POU3F3: variants seen among roughly 807,000 people sequenced by gnomAD.
POU3F3 encodes POU domain, class 3, transcription factor 3.
Under a neutral mutation model 8.6 loss-of-function variants are expected in POU3F3, and 1 was observed. That is an observed-to-expected ratio of 0.12 (90% confidence interval 0.04 to 0.55). The LOEUF (loss-of-function observed/expected upper bound fraction) is 0.55, where lower values mean the gene tolerates loss of function less well. POU3F3 is among the 20% of genes least tolerant of loss of function. The probability of loss-of-function intolerance (pLI) is 0.91; values close to 1 mark genes in which losing one functional copy is unlikely to be tolerated. For synonymous variants in POU3F3, 418 were observed against 327.4 expected (o/e 1.28, Z -2.99); for missense variants, 577 against 690.7 (o/e 0.84, Z 1.84).
At chr2:104,898,332 C>T in the POU3F3 span, among the ~76,000 whole-genome samples, 1 of 152,118 alleles carries the variant, frequency 6.6e-6, no homozygotes. Flanking sequence ...TTTGTCATAG[C>T]GGCCTGAACT....
At chr2:104,910,741 T>C in the POU3F3 span, among the ~76,000 whole-genome samples, 2 of 152,180 alleles carry the variant, frequency 1.3e-5, no homozygotes, top group African/African-American at 4.8e-5. Flanking sequence ...ATTAAGTTGA[T>C]GTTAAGAAAG....
chr2:104,920,692 T>A, the POU3F3 span, among the ~76,000 whole-genome samples: 1 of 152,190 alleles, frequency 6.6e-6, no homozygotes. Flanking sequence ...ACCACATATT[T>A]TAGGCACTTC....
chr2:104,925,609 C>G, the POU3F3 span, among the ~76,000 whole-genome samples: 1 of 152,000 alleles, frequency 6.6e-6, no homozygotes, highest in East Asian at 1.9e-4. Context: ...GAAACATCCT[C>G]GAATGCAAAA....
the POU3F3 span, among the ~76,000 whole-genome samples, chr2:104,897,421 A>C: frequency 6.6e-6 from 1 of 152,166 alleles, no homozygotes; most frequent in East Asian, 1.9e-4. Flanking sequence ...AGGAAAACAG[A>C]GCATCCCTTT....
chr2:104,910,784 C>A, the POU3F3 span, among the ~76,000 whole-genome samples: 1 of 151,954 alleles, frequency 6.6e-6, no homozygotes, highest in African/African-American at 2.4e-5. Flanking sequence ...CCTGTGTATT[C>A]ATGGGTTCCA....
the POU3F3 span, chr2:104,872,645 T>G: frequency 7.9e-6 from 2 of 254,634 alleles, no homozygotes; most frequent in Admixed American, 1.1e-4. This position sits in a 1 kb window ranked among gnomAD's most constrained non-coding sequence, Gnocchi z 4.6. Flanking sequence ...CGGGCTCCCC[T>G]CCGCCCCGCC....
chr2:104,917,318 A>G, the POU3F3 span, among the ~76,000 whole-genome samples: 2 of 152,246 alleles, frequency 1.3e-5, no homozygotes, highest in African/African-American at 4.8e-5. Context: ...CCTGACTAAT[A>G]CAACTGCCCT....
the POU3F3 span, among the ~76,000 whole-genome samples, chr2:104,864,072 C>T: frequency 6.6e-6 from 1 of 152,226 alleles, no homozygotes; most frequent in Non-Finnish European, 1.5e-5. Context: ...CCAGGGTAAA[C>T]TGCCTGTGCC....
At chr2:104,922,392 C>CA in the POU3F3 span, among the ~76,000 whole-genome samples, 29,387 of 71,224 alleles carry the variant, frequency 0.41, 4,575 homozygotes, top group East Asian at 0.49. Flanking sequence ...TGAAGATGCT[C>CA]AAAAAAAAAA....
the POU3F3 span, among the ~76,000 whole-genome samples, chr2:104,888,307 A>G: frequency 2.0e-5 from 3 of 152,206 alleles, no homozygotes; most frequent in Non-Finnish European, 4.4e-5. Context: ...CAAGAAATCG[A>G]GAAGCTAGTG....
At chr2:104,880,879 C>T in the POU3F3 span, among the ~76,000 whole-genome samples, 4 of 152,080 alleles carry the variant, frequency 2.6e-5, no homozygotes, top group Non-Finnish European at 5.9e-5. Flanking sequence ...TAGATAAACC[C>T]ATTGAAGTCT....
chr2:104,918,982 C>T, the POU3F3 span, among the ~76,000 whole-genome samples: 1 of 151,984 alleles, frequency 6.6e-6, no homozygotes, highest in Non-Finnish European at 1.5e-5. Context: ...AGCAATTCTC[C>T]TGCCTCAGCC....
Position 104,855,579 on chromosome 2 carries a change from C to A in POU3F3, c.69C>A (p.His23Gln). 1.0e-6 allele frequency: 1 copy of A among 1,000,214 alleles called. No individual in the cohort carries two copies. Among genetic ancestry groups the A allele is most frequent in the Non-Finnish European group, 1.2e-6 (1 of 843,752 alleles). The allele number at this position is 1,000,214 out of a possible 1,614,324, so 62.0% of individuals were successfully genotyped here. ...NSLLAAGSIV[H>Q]SDAAGAGGGG... Reference sequence around the variant, plus strand: ...TGCTCGCGGCCGGCTCTATTGTGCACTCGGACGCGGCAGGGGCTGGCGGCG... The same window carrying A: ...TGCTCGCGGCCGGCTCTATTGTGCAATCGGACGCGGCAGGGGCTGGCGGCG... The change falls in exon 1 of 1, where the codon CAC becomes CAA. Residue 23 changes from histidine to glutamine, a missense_variant. Around this residue, in one of 7 missense-constraint regions of POU3F3, gnomAD observed 484 missense variants for 422.6 expected, o/e 1.15. Coordinates refer to ENST00000361360, the MANE Select transcript of POU3F3 (RefSeq NM_006236.3).
At chr2:104,876,699 C>T in the POU3F3 span, among the ~76,000 whole-genome samples, 5 of 152,156 alleles carry the variant, frequency 3.3e-5, no homozygotes, top group Non-Finnish European at 7.4e-5. Context: ...GTCGTGGCTG[C>T]GGCTCCCAGC....
chr2:104,884,985 C>G, the POU3F3 span, among the ~76,000 whole-genome samples: 1 of 151,932 alleles, frequency 6.6e-6, no homozygotes, highest in Non-Finnish European at 1.5e-5. Flanking sequence ...TTTGGTGGGA[C>G]GGGCAAGGAG....
the POU3F3 span, chr2:104,872,231 G>T: frequency 4.4e-6 from 2 of 456,462 alleles, no homozygotes; most frequent in South Asian, 3.1e-5. This position sits in a 1 kb window ranked among gnomAD's most constrained non-coding sequence, Gnocchi z 4.6. Flanking sequence ...CCGCTCCCCG[G>T]CGTTCTGGAC....
At chr2:104,862,192 G>A (rs1676667134), downstream of POU3F3, among the ~76,000 whole-genome samples, 1 of 152,234 alleles carries the variant, frequency 6.6e-6, no homozygotes, top group South Asian at 2.1e-4. Context: ...GCCGGCCAGA[G>A]GCGGCCGCCT....
chr2:104,856,995 G>T lies in POU3F3; in HGVS notation c.1485G>T (p.Leu495=). The T allele has an allele frequency of 6.2e-7, 1 of 1,604,202 alleles. No individual in the cohort carries two copies. Among genetic ancestry groups the T allele is most frequent in the Non-Finnish European group, 8.5e-7 (1 of 1,176,638 alleles). Residue 495 remains leucine, a synonymous_variant, in exon 1 of 1, where the codon CTG becomes CTT. Transcript: ENST00000361360. ...SADTPPPHHG[L]QTSVQ ...ACACGCCGCCGCCTCACCACGGGCT[G>T]CAGACGAGCGTTCAGTGAAGCCAGG...
chr2:104,926,490 C>T, the POU3F3 span, among the ~76,000 whole-genome samples: 1 of 152,200 alleles, frequency 6.6e-6, no homozygotes, highest in African/African-American at 2.4e-5. Context: ...AACAGGAACA[C>T]TTTTACACTG....
Sources: gnomAD v4.1 joint callset for allele counts (sites outside exome capture counted in the v4.1 genomes callset) on GRCh38, gnomAD v4.1.1 for gene constraint, gnomAD v4.1.1 regional missense constraint, Gnocchi (gnomAD v3.1) non-coding constraint, MANE v1.5 for transcripts, NCBI Gene and HGNC (gene_info 2026-07-23, HGNC 2026-07-21) for gene names.